Variants in SEMA5A observed in about 807,000 individuals in gnomAD.
SEMA5A encodes the protein semaphorin-5A.
A neutral mutation model predicts 135.5 loss-of-function variants in SEMA5A; 55 were observed. That is an observed-to-expected ratio of 0.41 (90% confidence interval 0.33 to 0.51). The LOEUF is 0.51. Among genes scored for constraint, SEMA5A ranks in the 20% least tolerant of loss-of-function variants. The pLI is 0.37. For missense variants in SEMA5A, 1,290 were observed against 1,419.9 expected (o/e 0.91, Z 1.47); for synonymous variants, 580 against 546.5 (o/e 1.06, Z -0.85).
intron 5 of SEMA5A, among the ~76,000 whole-genome samples, chr5:9,284,626 C>A (rs982504695): frequency 1.3e-5 from 2 of 151,846 alleles, no homozygotes; most frequent in Non-Finnish European, 2.9e-5. Context: ...CCTTTATTTG[C>A]TAACTCAGTA....
chr5:9,337,736 C>G lies in SEMA5A; in HGVS notation c.201G>C (p.Gln67His). 1.2e-6 allele frequency: 2 copies of G among 1,610,366 alleles called. No individual in the cohort carries two copies. The highest frequency in any genetic ancestry group is 1.7e-6 in the Non-Finnish European group (2 of 1,177,626). Reference protein sequence around the residue: ...DFSQLTFDPGQKELVVGARNY... With the variant: ...DFSQLTFDPGHKELVVGARNY... The stretch of plus-strand genomic sequence containing the variant: ...ACCTTGCTCCTACAACAAGTTCTTT[C>G]TGTCCTGGGTCAAATGTTAACTGCG... The change falls in exon 4 of 23, where the codon CAG (glutamine) becomes CAC (histidine). Residue 67 changes from glutamine (Q) to histidine (H), a missense_variant. Physicochemically the swap from Gln to His is conservative, Grantham distance 24 (BLOSUM62 0). Transcript: ENST00000382496.
intron 1 of SEMA5A, among the ~76,000 whole-genome samples, chr5:9,528,809 A>G (rs1167124533): frequency 6.6e-6 from 1 of 152,210 alleles, no homozygotes; most frequent in Non-Finnish European, 1.5e-5. Context: ...AGAACAAATG[A>G]GTTTACCTAT....
chr5:9,455,385 A>G (rs1286682647), intron 1 of SEMA5A, among the ~76,000 whole-genome samples: 1 of 151,754 alleles, frequency 6.6e-6, no homozygotes, highest in Admixed American at 6.6e-5. Flanking sequence ...CCTCCCGAGT[A>G]GCTGGGACTG....
At chr5:9,227,045 CAAG>C in intron 6 of SEMA5A, 78 bp from the exon 7 acceptor site, 3 of 673,868 alleles carry the variant, frequency 4.5e-6, no homozygotes, top group Non-Finnish European at 6.3e-6. Flanking sequence ...AGTCTGAGCA[CAAG>C]AAGAATGGTG....
intron 8 of SEMA5A, among the ~76,000 whole-genome samples, chr5:9,221,435 TG>T (rs1159779974): frequency 1.3e-5 from 2 of 150,876 alleles, no homozygotes; most frequent in Non-Finnish European, 3.0e-5. Context: ...CCCGAGTAGC[TG>T]GGACTACAGG....
In SEMA5A at chr5:9,051,926, G is replaced by A; in HGVS notation, c.2792C>T (p.Ser931Phe). The change falls in exon 20 of 23, where the codon TCC (serine) becomes TTC (phenylalanine). Residue 931 changes from serine (S) to phenylalanine (F), a missense_variant. Physicochemically the swap from Ser to Phe is radical, Grantham distance 155. Transcript: ENST00000382496. The stretch of plus-strand genomic sequence containing the variant: ...CGGCCGGCTCTCCGTGGTGTTCCCG[G>A]AGCACTGGCTGCCCATGGGGAACAG... ...ILLFPMGSQC[S>F]GNTTESRPCV... 1 of 1,614,132 alleles carries A rather than the reference G, an allele frequency of 6.2e-7. No homozygotes were observed. Among genetic ancestry groups the A allele is most frequent in the African/African-American group, 1.3e-5 (1 of 75,020 alleles).
intron 3 of SEMA5A, among the ~76,000 whole-genome samples, chr5:9,339,640 A>T (rs1753557140): frequency 6.6e-6 from 1 of 152,212 alleles, no homozygotes. Context: ...AGAAAAAGTA[A>T]TAGCAACTTA....
intron 8 of SEMA5A, among the ~76,000 whole-genome samples, chr5:9,207,102 GTATATA>G (rs70943947): frequency 0.017 from 1,696 of 97,648 alleles, 94 homozygotes; most frequent in East Asian, 0.09. Context: ...ATGATCAAGT[GTATATA>G]TATATATATA....
chr5:9,483,722 T>A (rs956144948), intron 1 of SEMA5A, among the ~76,000 whole-genome samples: 2 of 152,212 alleles, frequency 1.3e-5, no homozygotes, highest in African/African-American at 4.8e-5. Context: ...TAAACATTTT[T>A]ATATATCAAA....
At chr5:9,347,085 A>T (rs1278300033) in intron 3 of SEMA5A, among the ~76,000 whole-genome samples, 2 of 152,208 alleles carry the variant, frequency 1.3e-5, no homozygotes, top group Admixed American at 6.5e-5. Flanking sequence ...CCAATTAGAG[A>T]AATTAAAACA....
chr5:9,382,223 C>G (rs1359134757), intron 2 of SEMA5A, among the ~76,000 whole-genome samples: 2 of 152,026 alleles, frequency 1.3e-5, no homozygotes, highest in Non-Finnish European at 2.9e-5. Context: ...TTGCATTAGT[C>G]CAGAAGCTCA....
At chr5:9,104,763 C>T (rs1243600210) in intron 16 of SEMA5A, among the ~76,000 whole-genome samples, 1 of 152,172 alleles carries the variant, frequency 6.6e-6, no homozygotes, top group Non-Finnish European at 1.5e-5. Context: ...AAGCCACAGG[C>T]ATGCAGGGCT....
At chr5:9,480,528 G>A (rs183815072) in intron 1 of SEMA5A, among the ~76,000 whole-genome samples, 78 of 152,244 alleles carry the variant, frequency 5.1e-4, no homozygotes, top group Admixed American at 7.8e-4. Context: ...AATTAGATTC[G>A]TTTTTGGTGG....
intron 6 of SEMA5A, among the ~76,000 whole-genome samples, chr5:9,233,785 T>A (rs1806014): frequency 2.6e-5 from 4 of 152,064 alleles, no homozygotes; most frequent in African/African-American, 9.7e-5. Context: ...AATGCTCCCA[T>A]CAGAACAGCA....
intron 3 of SEMA5A, among the ~76,000 whole-genome samples, chr5:9,350,724 A>G (rs751409787): frequency 6.6e-5 from 10 of 152,240 alleles, no homozygotes; most frequent in Non-Finnish European, 1.5e-4. Flanking sequence ...GGGAGAATAC[A>G]GTGCTGTCCT....
chr5:9,155,968 T>C (rs1266044325), intron 11 of SEMA5A, among the ~76,000 whole-genome samples: 1 of 152,246 alleles, frequency 6.6e-6, no homozygotes, highest in African/African-American at 2.4e-5. Context: ...GCTTTCATTT[T>C]AAGCTAACTG....
intron 2 of SEMA5A, among the ~76,000 whole-genome samples, chr5:9,411,346 C>T (rs1180921892): frequency 2.0e-5 from 3 of 152,204 alleles, no homozygotes; most frequent in Non-Finnish European, 4.4e-5. Context: ...ACAGTGGGTG[C>T]CCTCTGAACT....
At chr5:9,225,460 T>A (rs1056668400) in intron 7 of SEMA5A, among the ~76,000 whole-genome samples, 1 of 143,620 alleles carries the variant, frequency 7.0e-6, no homozygotes, top group Non-Finnish European at 1.5e-5. Context: ...TCCCAGCTAC[T>A]CGGGAGGCTG....
chr5:9,241,914 T>C (rs571607427), intron 5 of SEMA5A, among the ~76,000 whole-genome samples: 35 of 152,284 alleles, frequency 2.3e-4, no homozygotes, highest in African/African-American at 8.2e-4. Context: ...AGAACAACAT[T>C]CTAGGCAAAT....
Sources: allele counts gnomAD v4.1 joint callset (sites outside exome capture counted in the v4.1 genomes callset), GRCh38; gene constraint gnomAD v4.1.1; transcripts MANE v1.5; gene names NCBI Gene and HGNC (gene_info 2026-07-23, HGNC 2026-07-21).